Variants in GRM1 observed in about 807,000 individuals in gnomAD.
GRM1 encodes the protein glutamate metabotropic receptor 1.
A neutral mutation model predicts 90.9 loss-of-function variants in GRM1; 33 were observed. The ratio of observed to expected loss-of-function variants is 0.36; its 90% CI spans 0.28 to 0.49. The LOEUF (loss-of-function observed/expected upper bound fraction) is 0.49, where lower values mean the gene tolerates loss of function less well. GRM1 is among the 20% of genes least tolerant of loss of function. The probability of loss-of-function intolerance (pLI) is 0.99; values close to 1 mark genes in which losing one functional copy is unlikely to be tolerated. For missense variants in GRM1, 1,190 were observed against 1,534.3 expected (o/e 0.78, Z 3.75); for synonymous variants, 700 against 613.2 (o/e 1.14, Z -2.09).
intron 2 of GRM1, among the ~76,000 whole-genome samples, chr6:146,261,973 T>C (rs2114794583): frequency 6.6e-6 from 1 of 151,396 alleles, no homozygotes; most frequent in East Asian, 1.9e-4. Context: ...AAAGCCCCCT[T>C]GAAAGGGCAC....
At chr6:146,129,418 A>T (rs1215893796) in intron 1 of GRM1, among the ~76,000 whole-genome samples, 17 of 152,136 alleles carry the variant, frequency 1.1e-4, no homozygotes, top group Admixed American at 1.1e-3. Context: ...GCGGCAGGGA[A>T]ATCAATTCCA....
intron 2 of GRM1, among the ~76,000 whole-genome samples, chr6:146,194,012 T>C (rs768077498): frequency 6.6e-6 from 1 of 152,180 alleles, no homozygotes; most frequent in Non-Finnish European, 1.5e-5. Flanking sequence ...ATATGGAAGT[T>C]CAATATCTTC....
At chr6:146,378,217 C>A (rs1483956787) in intron 5 of GRM1, among the ~76,000 whole-genome samples, 2 of 152,178 alleles carry the variant, frequency 1.3e-5, no homozygotes, top group Non-Finnish European at 2.9e-5. Context: ...GGGTGAGCCC[C>A]CATACAGAGT....
intron 2 of GRM1, among the ~76,000 whole-genome samples, chr6:146,174,234 C>G (rs1778251729): frequency 6.6e-6 from 1 of 152,050 alleles, no homozygotes; most frequent in South Asian, 2.1e-4. Context: ...TTGCTATAGG[C>G]ATTTTTTTTT....
At chr6:146,345,999 G>A (rs993686934) in intron 3 of GRM1, among the ~76,000 whole-genome samples, 15 of 152,214 alleles carry the variant, frequency 9.9e-5, no homozygotes, top group African/African-American at 3.6e-4. Flanking sequence ...AAGGCACACA[G>A]CAAGCAGCCC....
In GRM1 at chr6:146,068,832, G is replaced by A. The variant is rs374235849; in HGVS notation, c.700+38615G>A. 1.4e-4 allele frequency among the ~76,000 whole-genome samples: 21 copies of A among 152,196 alleles called. 1 individual carries two copies. Among genetic ancestry groups the A allele is most frequent in the East Asian group, 3.9e-4 (2 of 5,180 alleles). Reference sequence around the variant, plus strand: ...AACAAAATAAAATTTTTACGTAATAGCACCTCCTCATTTAAAAAGCTACCT... The same window carrying A: ...AACAAAATAAAATTTTTACGTAATAACACCTCCTCATTTAAAAAGCTACCT... On this transcript the variant is annotated intron_variant, in intron 1 of 7. Coordinates refer to ENST00000282753, the MANE Select transcript of GRM1 (RefSeq NM_001278064.2).
intron 1 of GRM1, among the ~76,000 whole-genome samples, chr6:146,116,834 T>C (rs1775766056): frequency 6.6e-6 from 1 of 152,044 alleles, no homozygotes; most frequent in African/African-American, 2.4e-5. Flanking sequence ...ATGTGAAAAT[T>C]TACATTATTT....
chr6:146,152,168 C>T (rs1015314398), intron 1 of GRM1, among the ~76,000 whole-genome samples: 2 of 152,112 alleles, frequency 1.3e-5, no homozygotes, highest in African/African-American at 4.8e-5. Flanking sequence ...AGAGGCCTCA[C>T]TAAAGATCTT....
chr6:146,078,490 T>C (rs1018920124), intron 1 of GRM1, among the ~76,000 whole-genome samples: 1 of 152,188 alleles, frequency 6.6e-6, no homozygotes, highest in African/African-American at 2.4e-5. Context: ...CTGGGCATGA[T>C]TGATAGTTAA....
At position 146,434,707 on chromosome 6, in the gene GRM1, G is replaced by A. The variant is rs1778539314; in HGVS notation, c.3496G>A (p.Val1166Met). Residue 1166 changes from valine (V) to methionine (M), a missense_variant, in exon 8 of 8, where the codon GTG becomes ATG. Val to Met is a conservative substitution (Grantham distance 21). Around this residue, in one of 10 missense-constraint regions of GRM1, gnomAD observed 48 missense variants for 48.5 expected, o/e 0.99. Transcript: ENST00000282753. ...GGGCAGCTCGGTGCCCAGCTCCCCCGTGTCCGAGTCGGTGCTCTGCACCCC... is the reference window on the plus strand; with the variant it reads ...GGGCAGCTCGGTGCCCAGCTCCCCCATGTCCGAGTCGGTGCTCTGCACCCC... ...ASGSSVPSSPVSESVLCTPPN... is the reference protein window; with the variant it reads ...ASGSSVPSSPMSESVLCTPPN... The A allele has an allele frequency of 1.9e-6, 3 of 1,602,864 alleles. No individual in the cohort carries two copies. Among genetic ancestry groups the A allele is most frequent in the Non-Finnish European group, 2.5e-6 (3 of 1,179,944 alleles).
intron 1 of GRM1, among the ~76,000 whole-genome samples, chr6:146,107,683 T>C (rs557763842): frequency 2.0e-5 from 3 of 152,356 alleles, no homozygotes; most frequent in East Asian, 3.9e-4. Context: ...TTTGCACATT[T>C]GACAGGTAAG....
At chr6:146,240,888 A>G (rs796689452) in intron 2 of GRM1, among the ~76,000 whole-genome samples, 10 of 152,226 alleles carry the variant, frequency 6.6e-5, no homozygotes, top group African/African-American at 2.4e-4. Context: ...CCATGAATAA[A>G]TGTTCCTAGG....
At chr6:146,098,688 T>C (rs1395531630) in intron 1 of GRM1, among the ~76,000 whole-genome samples, 1 of 152,024 alleles carries the variant, frequency 6.6e-6, no homozygotes, top group Non-Finnish European at 1.5e-5. Context: ...AATCTCCACA[T>C]GTGGGAGGGA....
chr6:146,284,589 G>A (rs1227618560), intron 2 of GRM1, among the ~76,000 whole-genome samples: 4 of 152,156 alleles, frequency 2.6e-5, no homozygotes, highest in Non-Finnish European at 1.5e-5. Flanking sequence ...GGTGGGAGGT[G>A]ATTGAATCAT....
chr6:146,064,590 T>C (rs971092023), intron 1 of GRM1, among the ~76,000 whole-genome samples: 3 of 152,056 alleles, frequency 2.0e-5, no homozygotes, highest in Non-Finnish European at 4.4e-5. Flanking sequence ...TCTGTTCTAC[T>C]TCCTTGATCC....
chr6:146,373,728 A>G (rs1775989576), intron 5 of GRM1, among the ~76,000 whole-genome samples: 1 of 152,152 alleles, frequency 6.6e-6, no homozygotes, highest in Admixed American at 6.6e-5. Flanking sequence ...CTGCAACATT[A>G]TTGAATTGGT....
chr6:146,359,976 T>C (rs1265771531), intron 5 of GRM1, among the ~76,000 whole-genome samples: 1 of 142,904 alleles, frequency 7.0e-6, no homozygotes, highest in Non-Finnish European at 1.5e-5. Context: ...CCTTGGGAGG[T>C]ATGGAAACAA....
chr6:146,320,626 A>T (rs1784147508), intron 3 of GRM1, among the ~76,000 whole-genome samples: 1 of 151,940 alleles, frequency 6.6e-6, no homozygotes, highest in African/African-American at 2.4e-5. Flanking sequence ...TAGGCTATTA[A>T]TTATTGCCTC....
chr6:146,217,347 T>A (rs1779908396), intron 2 of GRM1, among the ~76,000 whole-genome samples: 1 of 152,172 alleles, frequency 6.6e-6, no homozygotes, highest in South Asian at 2.1e-4. Flanking sequence ...AGCAATACCT[T>A]GAGTTGGTGC....
Sources: allele counts gnomAD v4.1 joint callset (sites outside exome capture counted in the v4.1 genomes callset), GRCh38; gene constraint gnomAD v4.1.1; regional missense constraint gnomAD v4.1.1; transcripts MANE v1.5; gene names NCBI Gene and HGNC (gene_info 2026-07-23, HGNC 2026-07-21).